The following TIAM2 variants were observed in gnomAD, a reference collection of about 807,000 sequenced individuals.
TIAM2 encodes the protein TIAM Rac1 associated GEF 2.
TIAM2 carries 80 observed loss-of-function variants against 152.9 expected under a neutral mutation model. That is an observed-to-expected ratio of 0.52 (90% CI 0.44 to 0.63). The LOEUF is 0.63. Among genes scored for constraint, TIAM2 ranks in the 30% least tolerant of loss-of-function variants. TIAM2 has a pLI of 0.00. For missense variants in TIAM2, 1,965 were observed against 2,120.1 expected (o/e 0.93, Z 1.44); for synonymous variants, 804 against 838.0 (o/e 0.96, Z 0.70).
At position 155,150,514 on chromosome 6, in the gene TIAM2, T is replaced by C. The variant is rs1779929240; in HGVS notation, c.2028+2180T>C. 2.6e-5 allele frequency among the ~76,000 whole-genome samples: 4 copies of C among 152,258 alleles called. No individual in the cohort carries two copies. The South Asian group carries it at 8.3e-4, about 32-fold the overall frequency. On this transcript the variant is annotated intron_variant, in intron 7 of 26. Transcript: ENST00000682666. ...GAGACAATTGGAAGTGACTGAGTGG[T>C]GGCTTGGGGCTCTGGAGCACACTGG...
chr6:155,134,754 G>A (rs1418633100), intron 4 of TIAM2, among the ~76,000 whole-genome samples: 1 of 152,026 alleles, frequency 6.6e-6, no homozygotes, highest in Non-Finnish European at 1.5e-5. Context: ...CGCCGAGGCT[G>A]GAGTGCAGTG....
At chr6:155,046,670 C>T (rs1777183666) in intron 1 of TIAM2, among the ~76,000 whole-genome samples, 3 of 152,174 alleles carry the variant, frequency 2.0e-5, no homozygotes, top group South Asian at 2.1e-4. Context: ...AGAATTGGAT[C>T]GCAAGGAACC....
intron 1 of TIAM2, among the ~76,000 whole-genome samples, chr6:155,002,452 T>TG (rs1778328864): frequency 6.6e-6 from 1 of 152,166 alleles, no homozygotes. Context: ...GAACCTGGCC[T>TG]GACGAAATGA....
In TIAM2 at chr6:155,137,224, T is replaced by C; in HGVS notation, c.1242T>C (p.Asp414=). Residue 414 remains aspartate, a synonymous_variant, in exon 5 of 27, where the codon GAT becomes GAC. Coordinates refer to ENST00000682666, the MANE Select transcript of TIAM2 (RefSeq NM_012454.4). ...GTGACTACTTTGACAGTCGCTCTGA[T>C]GGACTGAATACAGATGTGCAGGGAT... ...EGSDYFDSRS[D]GLNTDVQGSS... is the part of the protein sequence containing the mutation. 6.2e-7 allele frequency: 1 copy of C among 1,614,208 alleles called. No homozygotes were observed. Among genetic ancestry groups the C allele is most frequent in the Admixed American group, 1.7e-5 (1 of 60,026 alleles).
rs1158692554 is a variant in TIAM2 at position 155,029,438 on chromosome 6, T to TAATA, written c.-209+33946_-209+33947insAATA. Among the ~76,000 whole-genome samples the TAATA allele has an allele frequency of 2.2e-3, 71 of 32,168 alleles. 4 individuals carry two copies. The highest frequency in any genetic ancestry group is 4.0e-3 in the East Asian group (4 of 988). 21.1% of individuals were successfully genotyped at this position (32,168 alleles called of 152,430 possible). A position where few individuals can be genotyped will look rare whatever the true frequency, so the allele number is the denominator to read the frequency against. On this transcript the variant is annotated intron_variant, in intron 1 of 26. Transcript: ENST00000682666. Reference sequence around the variant, plus strand: ...TATACTATATATACTATAGTATATATTATACTATAGTATATATTATATATA... The same window carrying TAATA: ...TATACTATATATACTATAGTATATATAATATATACTATAGTATATATTATATATA...
chr6:155,038,177 G>A (rs1378721541), intron 1 of TIAM2, among the ~76,000 whole-genome samples: 3 of 152,186 alleles, frequency 2.0e-5, no homozygotes, highest in Non-Finnish European at 2.9e-5. Context: ...ATAAGTTTAA[G>A]AAAAGTCTCT....
chr6:155,147,497 T>C (rs1042875564), intron 6 of TIAM2, among the ~76,000 whole-genome samples: 7 of 151,528 alleles, frequency 4.6e-5, no homozygotes, highest in Admixed American at 1.3e-4. Flanking sequence ...TTTATTTATT[T>C]ATTTTTGAGA....
intron 2 of TIAM2, among the ~76,000 whole-genome samples, chr6:155,116,571 A>C (rs960641932): frequency 1.3e-5 from 2 of 152,214 alleles, no homozygotes; most frequent in African/African-American, 4.8e-5. Flanking sequence ...ACTTGGTACA[A>C]TGACCGTGGT....
In TIAM2 at chr6:155,248,044, C is replaced by G. The variant is rs1438242829; in HGVS notation, c.3697C>G (p.Pro1233Ala). 6.2e-7 allele frequency: 1 copy of G among 1,614,164 alleles called. No individual in the cohort carries two copies. Among genetic ancestry groups the G allele is most frequent in the Non-Finnish European group, 8.5e-7 (1 of 1,180,024 alleles). Residue 1233 changes from proline (P) to alanine (A), a missense_variant, in exon 20 of 27, where the codon CCC becomes GCC. Coordinates refer to ENST00000682666, the MANE Select transcript of TIAM2 (RefSeq NM_012454.4). Reference sequence around the variant, plus strand: ...CAAGGCTTTTCTGGACGCCCGGAACCCCACCAAGCAGCATTCCTCCACGCT... The same window carrying G: ...CAAGGCTTTTCTGGACGCCCGGAACGCCACCAAGCAGCATTCCTCCACGCT... ...AFKAFLDARN[P>A]TKQHSSTLES...
rs547690135 is a variant in TIAM2 at position 155,211,149 on chromosome 6, T to C, written c.3065-55T>C. The C allele has an allele frequency of 1.5e-4, 223 of 1,513,732 alleles. No homozygotes were observed. In the African/African-American group the frequency reaches 2.9e-3, roughly 20 times the overall value. The allele number at this position is 1,513,732 out of a possible 1,614,324, so 93.8% of individuals were successfully genotyped here. ...CCATGTGAGCCTTTAAACCGGGTGTTATTATTCTCTGCAAATGGCCAAACT... is the reference window on the plus strand; with the variant it reads ...CCATGTGAGCCTTTAAACCGGGTGTCATTATTCTCTGCAAATGGCCAAACT... On this transcript the variant is annotated intron_variant, in intron 14 of 26. Coordinates refer to ENST00000682666, the MANE Select transcript of TIAM2 (RefSeq NM_012454.4).
chr6:155,115,594 A>G (rs1339743881), intron 2 of TIAM2, among the ~76,000 whole-genome samples: 1 of 152,174 alleles, frequency 6.6e-6, no homozygotes, highest in East Asian at 1.9e-4. Context: ...TTGAGGTTAC[A>G]GTGAGCCGTG....
chr6:155,060,799 G>A (rs947119950), intron 1 of TIAM2, among the ~76,000 whole-genome samples: 14 of 152,210 alleles, frequency 9.2e-5, no homozygotes, highest in African/African-American at 3.4e-4. Flanking sequence ...GGAGGCTGAG[G>A]CAGGAGAATC....
At chr6:155,046,272 T>C (rs1777172136) in intron 1 of TIAM2, among the ~76,000 whole-genome samples, 2 of 151,804 alleles carry the variant, frequency 1.3e-5, no homozygotes, top group Admixed American at 1.3e-4. Flanking sequence ...TTCTTTAAGG[T>C]AATCATTTTC....
At position 155,165,421 on chromosome 6, in the gene TIAM2, A is replaced by G. The variant is rs1780401921; in HGVS notation, c.2361+12A>G. The G allele has an allele frequency of 6.2e-7, 1 of 1,608,188 alleles. No individual in the cohort carries two copies. On this transcript the variant is annotated intron_variant, in intron 9 of 26. Transcript: ENST00000682666. ...CTTCTATAACTCAGGTGAGCTTTTC[A>G]GCATGGGAACAGCAGACTAGAGTGA...
At chr6:155,101,190 C>T (rs556837040) in intron 2 of TIAM2, among the ~76,000 whole-genome samples, 28 of 152,256 alleles carry the variant, frequency 1.8e-4, no homozygotes, top group African/African-American at 6.3e-4. Context: ...AAATCAGCTC[C>T]CCCGGTAATG....
At chr6:155,146,628 C>T (rs1779824761) in intron 6 of TIAM2, among the ~76,000 whole-genome samples, 2 of 152,110 alleles carry the variant, frequency 1.3e-5, no homozygotes, top group African/African-American at 4.8e-5. Context: ...TGGAGTCTTG[C>T]TCTGTTGCCC....
chr6:155,248,185 G>A lies in TIAM2; in HGVS notation c.3832+6G>A, dbSNP rs763157482. On this transcript the variant is annotated splice_donor_region_variant and intron_variant, in intron 20 of 26. Transcript: ENST00000682666. ...GGAGCACTACCACCTGACGGGTGAG[G>A]CGGCGGCGGCACCTCCGGGCGAGGG... The A allele has an allele frequency of 3.1e-6, 5 of 1,611,252 alleles. No individual in the cohort carries two copies. In the Admixed American group the frequency reaches 8.3e-5, roughly 27 times the overall value.
At chr6:155,055,535 C>T (rs1039595092) in intron 1 of TIAM2, among the ~76,000 whole-genome samples, 4 of 152,132 alleles carry the variant, frequency 2.6e-5, no homozygotes, top group Non-Finnish European at 4.4e-5. Context: ...CTTTTGGTTT[C>T]GTACGTGAGA....
chr6:155,130,059 C>A lies in TIAM2; in HGVS notation c.836C>A (p.Ala279Asp). 7 of 1,614,086 alleles carry A rather than the reference C, an allele frequency of 4.3e-6. No individual in the cohort carries two copies. The highest frequency in any genetic ancestry group is 1.6e-4 in the Middle Eastern group (1 of 6,062). Residue 279 changes from alanine to aspartate, a missense_variant, in exon 4 of 27, where the codon GCC (alanine) becomes GAC (aspartate). By Grantham distance (126) the Ala-to-Asp change is moderately radical. Around this residue, in one of 3 missense-constraint regions of TIAM2, gnomAD observed 1,025 missense variants for 1,119.4 expected, o/e 0.92. Coordinates refer to ENST00000682666, the MANE Select transcript of TIAM2 (RefSeq NM_012454.4). ...GGCATGCCTGACCCCAGTCTCCATG[C>A]CAGCTTCCCACCTGGCGATGCCAAA... ...APGMPDPSLH[A>D]SFPPGDAKKP...
Sources: gnomAD v4.1 joint callset for allele counts (sites outside exome capture counted in the v4.1 genomes callset) on GRCh38, gnomAD v4.1.1 for gene constraint, gnomAD v4.1.1 regional missense constraint, MANE v1.5 for transcripts, NCBI Gene and HGNC (gene_info 2026-07-23, HGNC 2026-07-21) for gene names.